The following FER1L6 variants were observed in gnomAD, a reference collection of about 807,000 sequenced individuals.
FER1L6 encodes fer-1 like family member 6.
In FER1L6, 177 loss-of-function variants were observed where a neutral mutation model predicts 219.2. That is an observed-to-expected ratio of 0.81 (90% CI 0.71 to 0.91). The LOEUF (loss-of-function observed/expected upper bound fraction) is 0.91, where lower values mean the gene tolerates loss of function less well. Among genes scored for constraint, FER1L6 ranks in the 40% least tolerant of loss-of-function variants. The pLI, the probability that FER1L6 is intolerant of heterozygous loss-of-function variation, is 0.00. For synonymous variants in FER1L6, 768 were observed against 824.3 expected, an observed-to-expected ratio of 0.93 and a Z score of 1.17; for missense variants, 2,153 against 2,259.9, an observed-to-expected ratio of 0.95 and a Z score of 0.96.
At chr8:123,903,878 T>C (rs2129742800) in intron 1 of FER1L6, among the ~76,000 whole-genome samples, 1 of 152,294 alleles carries the variant, frequency 6.6e-6, no homozygotes, top group Non-Finnish European at 1.5e-5. Flanking sequence ...ATGATAGTTA[T>C]GCAAGAATCT....
intron 1 of FER1L6, among the ~76,000 whole-genome samples, chr8:123,906,657 T>C (rs1301538823): frequency 6.6e-6 from 1 of 151,478 alleles, no homozygotes; most frequent in East Asian, 1.9e-4. Flanking sequence ...AAAATTAGCT[T>C]GGCGTGGTGG....
intron 22 of FER1L6, chr8:124,059,101 T>C (rs1265774371): frequency 2.6e-5 from 4 of 152,232 alleles, no homozygotes. Context: ...GAACTCACTG[T>C]ACATGGAGGG....
At position 123,970,079 on chromosome 8, in the gene FER1L6, C is replaced by G; in HGVS notation, c.429C>G (p.Asp143Glu). The change falls in exon 6 of 41, where the codon GAC becomes GAG. Residue 143 changes from aspartate (D) to glutamate (E), a missense_variant. By Grantham distance (45) the Asp-to-Glu change is conservative. Coordinates refer to ENST00000522917, the MANE Select transcript of FER1L6 (RefSeq NM_001039112.2). ...TTGGGCCCCAAGTGCATCTTTTTGACAAGATCATCAAAATCTCCGTAAGTA... is the reference window on the plus strand; with the variant it reads ...TTGGGCCCCAAGTGCATCTTTTTGAGAAGATCATCAAAATCTCCGTAAGTA... ...DFIGPQVHLF[D>E]KIIKISVFHH... 1 of 1,613,880 alleles carries G rather than the reference C, an allele frequency of 6.2e-7. No homozygotes were observed. The highest frequency in any genetic ancestry group is 1.3e-5 in the African/African-American group (1 of 74,996).
At chr8:123,870,961 G>C (rs570134706) in intron 1 of FER1L6, among the ~76,000 whole-genome samples, 26 of 152,296 alleles carry the variant, frequency 1.7e-4, no homozygotes, top group Admixed American at 5.2e-4. Context: ...TACTTTGGTT[G>C]ATAAAGTTGT....
chr8:124,044,024 G>T (rs1819616900), intron 20 of FER1L6, among the ~76,000 whole-genome samples: 1 of 152,216 alleles, frequency 6.6e-6, no homozygotes, highest in Admixed American at 6.5e-5. Flanking sequence ...ATGAATGAGT[G>T]AATGAACAAA....
intron 22 of FER1L6, among the ~76,000 whole-genome samples, chr8:124,055,984 G>C (rs558276300): frequency 6.6e-6 from 1 of 151,958 alleles, no homozygotes; most frequent in East Asian, 1.9e-4. Context: ...TCTCCCCCGA[G>C]CCTCCCGTCT....
In FER1L6 at chr8:124,082,230, A is replaced by T. The variant is rs1586680969; in HGVS notation, c.4221-58A>T. Reference sequence around the variant, plus strand: ...GGGCTAGCTAAAAGTGAAGCTGGGAATGGTTCCCTGTGTCACCAAATGTTA... The same window carrying T: ...GGGCTAGCTAAAAGTGAAGCTGGGATTGGTTCCCTGTGTCACCAAATGTTA... On this transcript the variant is annotated intron_variant, in intron 32 of 40. Coordinates refer to ENST00000522917, the MANE Select transcript of FER1L6 (RefSeq NM_001039112.2). 2.1e-6 allele frequency: 3 copies of T among 1,429,868 alleles called. No individual in the cohort carries two copies. The East Asian group carries it at 6.9e-5, about 33-fold the overall frequency. The allele number at this position is 1,429,868 out of a possible 1,614,324, so 88.6% of individuals were successfully genotyped here.
intron 7 of FER1L6, among the ~76,000 whole-genome samples, chr8:123,974,109 G>A (rs1172363928): frequency 6.6e-6 from 1 of 152,204 alleles, no homozygotes; most frequent in Non-Finnish European, 1.5e-5. Flanking sequence ...AAGGTCAAGA[G>A]CAAGTAAGTA....
At chr8:123,872,682 T>A (rs372497606) in intron 1 of FER1L6, among the ~76,000 whole-genome samples, 110 of 152,168 alleles carry the variant, frequency 7.2e-4, no homozygotes, top group African/African-American at 2.6e-3. Context: ...TTTCTATAAG[T>A]CTAAGAGCAT....
chr8:123,953,301 C>T (rs967082182), intron 1 of FER1L6, among the ~76,000 whole-genome samples: 5 of 152,312 alleles, frequency 3.3e-5, no homozygotes, highest in Non-Finnish European at 5.9e-5. Context: ...GTAAATCCTT[C>T]GGGCATTCCT....
At chr8:124,096,524 C>G (rs573936221) in intron 35 of FER1L6, among the ~76,000 whole-genome samples, 25 of 152,150 alleles carry the variant, frequency 1.6e-4, no homozygotes, top group Non-Finnish European at 3.7e-4. Flanking sequence ...AGAATGTATA[C>G]AACAGAGCTT....
At chr8:124,087,123 C>T (rs1821817576) in intron 33 of FER1L6, among the ~76,000 whole-genome samples, 2 of 151,974 alleles carry the variant, frequency 1.3e-5, no homozygotes, top group Admixed American at 1.3e-4. Flanking sequence ...ATATTGATAT[C>T]TTTCTCTTGG....
intron 1 of FER1L6, among the ~76,000 whole-genome samples, chr8:123,941,320 T>G (rs1457533375): frequency 6.6e-6 from 1 of 152,138 alleles, no homozygotes; most frequent in Non-Finnish European, 1.5e-5. Context: ...TTTCTGAGAA[T>G]GTGATGTTAA....
intron 1 of FER1L6, among the ~76,000 whole-genome samples, chr8:123,918,308 CAAAA>C (rs34073010): frequency 3.2e-5 from 4 of 123,738 alleles, no homozygotes; most frequent in Admixed American, 8.1e-5. Context: ...CAACCTGTCT[CAAAA>C]AAAAAAAAAA....
intron 12 of FER1L6, among the ~76,000 whole-genome samples, chr8:123,992,415 T>G (rs1386854295): frequency 1.3e-5 from 2 of 152,318 alleles, no homozygotes; most frequent in African/African-American, 4.8e-5. Context: ...TTTCTATTTC[T>G]TCCTTTCTTA....
intron 1 of FER1L6, among the ~76,000 whole-genome samples, chr8:123,941,899 C>T (rs572183161): frequency 1.6e-4 from 25 of 152,130 alleles, no homozygotes; most frequent in African/African-American, 6.0e-4. Flanking sequence ...TGTGTACCCT[C>T]GGACCACCTC....
chr8:124,053,158 T>C (rs1237608598), intron 22 of FER1L6, among the ~76,000 whole-genome samples: 6 of 152,206 alleles, frequency 3.9e-5, no homozygotes, highest in Non-Finnish European at 8.8e-5. Flanking sequence ...AGGCTGCATC[T>C]GCCAATGAAG....
intron 1 of FER1L6, among the ~76,000 whole-genome samples, chr8:123,872,819 C>G (rs1816947504): frequency 6.6e-6 from 1 of 152,222 alleles, no homozygotes; most frequent in African/African-American, 2.4e-5. Flanking sequence ...CCTCTGTAAT[C>G]TGACCATTCA....
intron 1 of FER1L6, among the ~76,000 whole-genome samples, chr8:123,928,675 A>G (rs1214599338): frequency 6.6e-6 from 1 of 152,160 alleles, no homozygotes; most frequent in Admixed American, 6.5e-5. Context: ...CCTTTAACAC[A>G]TTCTTTTTCT....
Sources: gnomAD v4.1 joint callset for allele counts (sites outside exome capture counted in the v4.1 genomes callset) on GRCh38, gnomAD v4.1.1 for gene constraint, MANE v1.5 for transcripts, NCBI Gene and HGNC (gene_info 2026-07-23, HGNC 2026-07-21) for gene names.